SMARCC1: variants seen among roughly 807,000 people sequenced by gnomAD.
SMARCC1 encodes SWI/SNF complex subunit SMARCC1.
In SMARCC1, 43 loss-of-function variants were observed where a neutral mutation model predicts 147.4. The ratio of observed to expected loss-of-function variants is 0.29; its 90% CI spans 0.23 to 0.38. The LOEUF is 0.38. Among genes scored for constraint, SMARCC1 ranks in the 10% least tolerant of loss-of-function variants. The probability of loss-of-function intolerance (pLI) is 1.00; values close to 1 mark genes in which losing one functional copy is unlikely to be tolerated. For synonymous variants in SMARCC1, 495 were observed against 484.4 expected (o/e 1.02, Z -0.29); for missense variants, 1,119 against 1,381.1 (o/e 0.81, Z 3.01).
chr3:47,771,827 C>T (rs1307661864), intron 2 of SMARCC1, among the ~76,000 whole-genome samples: 1 of 150,258 alleles, frequency 6.7e-6, no homozygotes, highest in Non-Finnish European at 1.5e-5. Flanking sequence ...CACACCTGTA[C>T]TCCCGGCACT....
chr3:47,738,034 C>A lies in SMARCC1; in HGVS notation c.478G>T (p.Val160Leu). The change falls in exon 4 of 28, where the codon GTG (valine) becomes TTG (leucine). Residue 160 changes from valine (V) to leucine (L), a missense_variant. Around this residue, in one of 6 missense-constraint regions of SMARCC1, gnomAD observed 542 missense variants for 611.8 expected, o/e 0.89. Coordinates refer to ENST00000254480, the MANE Select transcript of SMARCC1 (RefSeq NM_003074.4). ...EMFMNIEKTL[V>L]QNNCLTRPNI... ...AACCTAAGTTTCCAAGTTACCTGCA[C>A]CAATGTTTTTTCAATGTTCATAAAC... 1 of 1,592,904 alleles carries A rather than the reference C, an allele frequency of 6.3e-7. No individual in the cohort carries two copies. The highest frequency in any genetic ancestry group is 8.6e-7 in the Non-Finnish European group (1 of 1,169,146).
chr3:47,588,421 T>G, intron 27 of SMARCC1, 115 bp from the exon 28 acceptor site: 1 of 873,742 alleles, frequency 1.1e-6, no homozygotes, highest in East Asian at 2.7e-5. Context: ...AGGCAACCAA[T>G]GCACCCTGTG....
intron 2 of SMARCC1, among the ~76,000 whole-genome samples, chr3:47,763,431 C>T (rs2034798652): frequency 6.6e-6 from 1 of 150,696 alleles, no homozygotes; most frequent in Admixed American, 6.6e-5. Context: ...ATTATAAAAA[C>T]ATAATAATTT....
chr3:47,752,576 A>G (rs952408718), intron 2 of SMARCC1, among the ~76,000 whole-genome samples: 1 of 152,128 alleles, frequency 6.6e-6, no homozygotes, highest in Non-Finnish European at 1.5e-5. Flanking sequence ...ACTTCAGGCC[A>G]GGAGTACAAG....
chr3:47,724,429 G>A (rs78008987), intron 6 of SMARCC1, among the ~76,000 whole-genome samples: 60 of 152,192 alleles, frequency 3.9e-4, no homozygotes, highest in Admixed American at 3.2e-3. Context: ...TAGAGTAGTC[G>A]AACTCTTAGA....
intron 26 of SMARCC1, among the ~76,000 whole-genome samples, chr3:47,593,403 C>T (rs1295836306): frequency 1.3e-5 from 2 of 151,862 alleles, no homozygotes; most frequent in Admixed American, 1.3e-4. Context: ...AACTCCTGAC[C>T]TCAAGTGATC....
At chr3:47,736,912 T>C (rs917163447) in intron 4 of SMARCC1, among the ~76,000 whole-genome samples, 4 of 152,094 alleles carry the variant, frequency 2.6e-5, no homozygotes, top group African/African-American at 4.8e-5. Context: ...GTTAATTTAG[T>C]GATCACCATA....
intron 26 of SMARCC1, among the ~76,000 whole-genome samples, chr3:47,596,802 T>C (rs2032290656): frequency 6.6e-6 from 1 of 151,152 alleles, no homozygotes; most frequent in Non-Finnish European, 1.5e-5. Context: ...TGCAGAGAAG[T>C]ATGGGCTGAA....
At chr3:47,650,323 GA>G (rs1177030425) in intron 21 of SMARCC1, among the ~76,000 whole-genome samples, 2 of 141,884 alleles carry the variant, frequency 1.4e-5, no homozygotes, top group Non-Finnish European at 3.1e-5. Context: ...TATTATTCAA[GA>G]AAAAAATAAA....
rs190793634 is a variant in SMARCC1 at position 47,682,307 on chromosome 3, A to C, written c.1386-1799T>G. ...AAGACTCCGTTTCAAAAAAAAAAAA[A>C]AAACAAACAACAACTGGAGTTCAGT... On this transcript the variant is annotated intron_variant, in intron 14 of 27. Transcript: ENST00000254480. Among the ~76,000 whole-genome samples the C allele has an allele frequency of 5.6e-3, 857 of 151,904 alleles. 4 individuals are homozygous for C. Among genetic ancestry groups the C allele is most frequent in the African/African-American group, 7.1e-3 (293 of 41,452 alleles).
At chr3:47,748,283 G>A (rs1056394983) in intron 2 of SMARCC1, among the ~76,000 whole-genome samples, 5 of 152,142 alleles carry the variant, frequency 3.3e-5, no homozygotes, top group Non-Finnish European at 5.9e-5. Context: ...GGGTGATCAT[G>A]GCTCACTGTA....
intron 2 of SMARCC1, among the ~76,000 whole-genome samples, chr3:47,753,325 C>T (rs13080407): frequency 3.5e-3 from 324 of 92,878 alleles, no homozygotes; most frequent in Middle Eastern, 6.1e-3. Context: ...ACTCCATCTC[C>T]AAAAAAAAAA....
chr3:47,592,246 T>C (rs763826677), intron 26 of SMARCC1, among the ~76,000 whole-genome samples: 9 of 152,368 alleles, frequency 5.9e-5, no homozygotes, highest in South Asian at 2.1e-4. Flanking sequence ...GTAAATATTT[T>C]AGTCTTTGCC....
chr3:47,605,104 G>C (rs1268707747), intron 26 of SMARCC1, among the ~76,000 whole-genome samples: 2 of 152,174 alleles, frequency 1.3e-5, no homozygotes, highest in Non-Finnish European at 2.9e-5. Context: ...TTATTATCTT[G>C]AATTGCTGGA....
At chr3:47,646,184 G>A (rs968053889) in intron 21 of SMARCC1, among the ~76,000 whole-genome samples, 1 of 152,134 alleles carries the variant, frequency 6.6e-6, no homozygotes, top group African/African-American at 2.4e-5. Context: ...ATAGTTTGTT[G>A]TGCATTTCTC....
intron 24 of SMARCC1, among the ~76,000 whole-genome samples, chr3:47,628,356 C>T (rs1338109111): frequency 6.6e-6 from 1 of 152,158 alleles, no homozygotes; most frequent in Non-Finnish European, 1.5e-5. Context: ...TACAAGTTCA[C>T]CTCTCAGCTT....
At chr3:47,593,568 T>C (rs993418510) in intron 26 of SMARCC1, among the ~76,000 whole-genome samples, 7 of 152,194 alleles carry the variant, frequency 4.6e-5, no homozygotes, top group Non-Finnish European at 1.0e-4. Flanking sequence ...TTACTATCTA[T>C]GTAAGGACAA....
intron 6 of SMARCC1, among the ~76,000 whole-genome samples, chr3:47,726,755 C>T (rs1196441617): frequency 6.6e-6 from 1 of 152,192 alleles, no homozygotes; most frequent in Non-Finnish European, 1.5e-5. Flanking sequence ...ATGATTTCAT[C>T]TAAGGTGGTC....
At chr3:47,699,438 C>CA (rs2033891897) in intron 11 of SMARCC1, among the ~76,000 whole-genome samples, 1 of 152,162 alleles carries the variant, frequency 6.6e-6, no homozygotes, top group Non-Finnish European at 1.5e-5. Flanking sequence ...GACCAGACAA[C>CA]ACACCATCAG....
Sources: gnomAD v4.1 joint callset for allele counts (sites outside exome capture counted in the v4.1 genomes callset) on GRCh38, gnomAD v4.1.1 for gene constraint, gnomAD v4.1.1 regional missense constraint, MANE v1.5 for transcripts, NCBI Gene and HGNC (gene_info 2026-07-23, HGNC 2026-07-21) for gene names.